The following BICC1 variants were observed in gnomAD, a reference collection of about 807,000 sequenced individuals.
BICC1 encodes the protein BicC family RNA binding protein 1.
In BICC1, 43 loss-of-function variants were observed where a neutral mutation model predicts 111.0. The observed-to-expected ratio is 0.39, with a 90% confidence interval of 0.30 to 0.50. The LOEUF (loss-of-function observed/expected upper bound fraction) is 0.50, where lower values mean the gene tolerates loss of function less well. Ranked by LOEUF, BICC1 falls within the 20% of genes least tolerant of loss-of-function variation. The pLI is 0.88. For missense variants in BICC1, 1,091 were observed against 1,203.2 expected (o/e 0.91, Z 1.38); for synonymous variants, 467 against 434.4 (o/e 1.07, Z -0.93).
chr10:58,521,640 A>G (rs1649026), intron 1 of BICC1, among the ~76,000 whole-genome samples: 81,807 of 151,562 alleles, frequency 0.54, 23,113 homozygotes, highest in African/African-American at 0.71. Flanking sequence ...TACCAATATA[A>G]AGTTAGATCT....
chr10:58,814,052 A>G (rs761739951), intron 18 of BICC1, 66 bp downstream of exon 18: 4 of 1,569,858 alleles, frequency 2.5e-6, no homozygotes, highest in Admixed American at 1.7e-5. Context: ...TTTGGGTTGG[A>G]GTATCACTGA....
chr10:58,580,029 T>A (rs1844234895), intron 1 of BICC1, among the ~76,000 whole-genome samples: 2 of 44,188 alleles, frequency 4.5e-5, no homozygotes, highest in Admixed American at 9.2e-4. Context: ...TCTTAGCAAT[T>A]TTTTTTTTTT....
chr10:58,800,162 T>C (rs771979923), intron 12 of BICC1, 32 bp from the exon 13 acceptor site: 1 of 1,514,984 alleles, frequency 6.6e-7, no homozygotes, highest in Non-Finnish European at 9.0e-7. Flanking sequence ...ATTGTGACCA[T>C]ATTTATACAT....
intron 5 of BICC1, among the ~76,000 whole-genome samples, chr10:58,787,431 A>C (rs1199579911): frequency 2.6e-5 from 4 of 152,178 alleles, no homozygotes; most frequent in South Asian, 2.1e-4. Flanking sequence ...AGAGACCTGG[A>C]AGTAAATACC....
intron 1 of BICC1, among the ~76,000 whole-genome samples, chr10:58,521,768 GTTTTTTTTTTTTTTTTTTT>G (rs573116230): frequency 0.011 from 1,221 of 112,748 alleles, 42 homozygotes; most frequent in Middle Eastern, 0.05. Context: ...GGAATGTGGT[GTTTTTTTTTTTTTTTTTTT>G]TTTTTTTTTT....
chr10:58,515,171 C>A lies in BICC1; in HGVS notation c.190+1838C>A, dbSNP rs565006938. ...TTTTGTATTAATAGATGTGATACTA[C>A]GATCTGAGACGGTTTGAAATTGCTT... On this transcript the variant is annotated intron_variant, in intron 1 of 20. Coordinates refer to ENST00000373886, the MANE Select transcript of BICC1 (RefSeq NM_001080512.3). 6.6e-4 allele frequency among the ~76,000 whole-genome samples: 101 copies of A among 152,294 alleles called. 1 individual carries two copies. Among genetic ancestry groups the A allele is most frequent in the African/African-American group, 2.4e-3 (98 of 41,566 alleles).
chr10:58,757,156 T>C (rs1564596161), intron 3 of BICC1, among the ~76,000 whole-genome samples: 1 of 152,186 alleles, frequency 6.6e-6, no homozygotes, highest in African/African-American at 2.4e-5. Flanking sequence ...ACAAGGACTG[T>C]ATATAAAATA....
At chr10:58,788,951 GT>G (rs1214009439) in intron 6 of BICC1, among the ~76,000 whole-genome samples, 1 of 152,080 alleles carries the variant, frequency 6.6e-6, no homozygotes, top group Non-Finnish European at 1.5e-5. Context: ...AATTAGCCAG[GT>G]ATGGTGGCAC....
At chr10:58,758,871 A>G (rs1842221677) in intron 3 of BICC1, among the ~76,000 whole-genome samples, 1 of 151,258 alleles carries the variant, frequency 6.6e-6, no homozygotes, top group South Asian at 2.1e-4. Flanking sequence ...ATTTTTTTTA[A>G]GCTGGCCACT....
At chr10:58,546,793 T>C (rs542191136) in intron 1 of BICC1, among the ~76,000 whole-genome samples, 2 of 152,318 alleles carry the variant, frequency 1.3e-5, no homozygotes, top group East Asian at 1.9e-4. Context: ...AAAATCAATA[T>C]TAAAGTATCA....
intron 3 of BICC1, among the ~76,000 whole-genome samples, chr10:58,732,433 A>C (rs1220160980): frequency 2.9e-5 from 2 of 68,914 alleles, no homozygotes; most frequent in Non-Finnish European, 5.4e-5. Flanking sequence ...ATATATATAT[A>C]TATATATACT....
chr10:58,579,551 T>G (rs1251576473), intron 1 of BICC1, among the ~76,000 whole-genome samples: 1 of 152,212 alleles, frequency 6.6e-6, no homozygotes, highest in African/African-American at 2.4e-5. Context: ...CTAGCTCTGA[T>G]TTTACAATCC....
At chr10:58,616,827 A>T (rs962504025) in intron 1 of BICC1, among the ~76,000 whole-genome samples, 10 of 152,246 alleles carry the variant, frequency 6.6e-5, no homozygotes, top group Admixed American at 1.3e-4. Flanking sequence ...CTGCAGGGCT[A>T]TGTGCATAGC....
intron 1 of BICC1, among the ~76,000 whole-genome samples, chr10:58,595,781 C>A (rs770969874): frequency 6.6e-6 from 1 of 152,052 alleles, no homozygotes; most frequent in Admixed American, 6.5e-5. Context: ...AAAATTGACA[C>A]CCTAATGTCA....
intron 3 of BICC1, among the ~76,000 whole-genome samples, chr10:58,708,049 G>T: frequency 8.2e-6 from 1 of 121,972 alleles, no homozygotes. Context: ...TTACCATGTT[G>T]GCCAGGCTGG....
intron 2 of BICC1, among the ~76,000 whole-genome samples, chr10:58,684,643 A>G (rs1839652629): frequency 6.6e-6 from 1 of 151,970 alleles, no homozygotes; most frequent in African/African-American, 2.4e-5. Flanking sequence ...TTTCTTCTAG[A>G]TTTTCTAATT....
At position 58,643,557 on chromosome 10, in the gene BICC1, T is replaced by C. The variant is rs182662905; in HGVS notation, c.237+22656T>C. On this transcript the variant is annotated intron_variant, in intron 2 of 20. Coordinates refer to ENST00000373886, the MANE Select transcript of BICC1 (RefSeq NM_001080512.3). ...AATGGTCAGGACTTACAGTACATTA[T>C]TTTATCCTTTGTTCCAAAAAGGGGT... Among the ~76,000 whole-genome samples, 441 of 152,356 alleles carry C rather than the reference T, an allele frequency of 2.9e-3. 3 individuals carry two copies. The highest frequency in any genetic ancestry group is 4.2e-3 in the Non-Finnish European group (287 of 68,034).
At chr10:58,568,971 G>A (rs988902149) in intron 1 of BICC1, among the ~76,000 whole-genome samples, 3 of 152,150 alleles carry the variant, frequency 2.0e-5, no homozygotes, top group Admixed American at 6.6e-5. Context: ...TGTTCCTAAG[G>A]AAAGATTTTT....
At chr10:58,729,419 C>T (rs1412296141) in intron 3 of BICC1, among the ~76,000 whole-genome samples, 1 of 152,182 alleles carries the variant, frequency 6.6e-6, no homozygotes, top group Non-Finnish European at 1.5e-5. Flanking sequence ...CCTCTCTCAG[C>T]CTTTAGAAAA....
Sources: allele counts gnomAD v4.1 joint callset (sites outside exome capture counted in the v4.1 genomes callset), GRCh38; gene constraint gnomAD v4.1.1; transcripts MANE v1.5; gene names NCBI Gene and HGNC (gene_info 2026-07-23, HGNC 2026-07-21).